ALLC: variants seen among roughly 807,000 people sequenced by gnomAD.
ALLC encodes the protein probable inactive allantoicase.
Under a neutral mutation model 45.0 loss-of-function variants are expected in ALLC, and 40 were observed. The observed-to-expected ratio is 0.89, with a 90% confidence interval of 0.69 to 1.16. The LOEUF (loss-of-function observed/expected upper bound fraction) is 1.16, where lower values mean the gene tolerates loss of function less well. Among genes scored for constraint, ALLC ranks in the 50% most tolerant of loss-of-function variants. The pLI is 0.00. For missense variants in ALLC, 488 were observed against 493.1 expected, an observed-to-expected ratio of 0.99 and a Z score of 0.10; for synonymous variants, 176 against 178.1, an observed-to-expected ratio of 0.99 and a Z score of 0.09.
intron 11 of ALLC, 120 bp downstream of exon 11, chr2:3,701,756 G>A (rs1389791203): frequency 8.2e-6 from 10 of 1,215,926 alleles, no homozygotes; most frequent in East Asian, 2.7e-5. Context: ...AAACGAATGA[G>A]GTTTAAAACC....
At chr2:3,681,560 C>A in intron 5 of ALLC, 74 bp from the exon 6 acceptor site, 1 of 1,085,288 alleles carries the variant, frequency 9.2e-7, no homozygotes, top group Non-Finnish European at 1.3e-6. Context: ...AATTACCATA[C>A]AAACCACCAA....
upstream of ALLC, among the ~76,000 whole-genome samples, chr2:3,657,755 T>C (rs890957968): frequency 2.0e-5 from 3 of 152,182 alleles, no homozygotes; most frequent in Admixed American, 1.3e-4. Flanking sequence ...TGGGCTTCTT[T>C]AAATTCCATG....
rs981198370 is a variant in ALLC, at chr2:3,681,728, A to G, written c.378+15A>G. ...CCATTGCTGAGGTACATCTCCCCCAAATGAATTGGGTCTTGTCACCAATTA... is the reference window on the plus strand; with the variant it reads ...CCATTGCTGAGGTACATCTCCCCCAGATGAATTGGGTCTTGTCACCAATTA... On this transcript the variant is annotated intron_variant, in intron 6 of 11. Transcript: ENST00000252505. The G allele has an allele frequency of 1.5e-5, 24 of 1,596,010 alleles. No individual in the cohort carries two copies. The highest frequency in any genetic ancestry group is 2.1e-5 in the Non-Finnish European group (24 of 1,168,538).
intron 10 of ALLC, among the ~76,000 whole-genome samples, chr2:3,698,860 G>A (rs1233573694): frequency 6.6e-6 from 1 of 152,112 alleles, no homozygotes; most frequent in African/African-American, 2.4e-5. Flanking sequence ...GTGCTGCACT[G>A]GGTGAGTGGT....
At chr2:3,647,107 A>G in the ALLC span, among the ~76,000 whole-genome samples, 1 of 152,098 alleles carries the variant, frequency 6.6e-6, no homozygotes, top group East Asian at 1.9e-4. Flanking sequence ...TGGTTCGCTG[A>G]GGTGGCCTTG....
intron 4 of ALLC, among the ~76,000 whole-genome samples, chr2:3,678,782 C>T (rs111778437): frequency 6.6e-6 from 1 of 152,132 alleles, no homozygotes; most frequent in African/African-American, 2.4e-5. Flanking sequence ...AGCACGTTGT[C>T]GGGAAAATGA....
Position 3,682,966 on chromosome 2 carries a change from T to G in ALLC, c.403T>G (p.Leu135Val). The G allele has an allele frequency of 6.2e-7, 1 of 1,613,678 alleles. No homozygotes were observed. The highest frequency in any genetic ancestry group is 2.2e-5 in the East Asian group (1 of 44,878). The change falls in exon 7 of 12, where the codon TTG (leucine) becomes GTG (valine). Residue 135 changes from leucine to valine, a missense_variant. Physicochemically the swap from Leu to Val is conservative, Grantham distance 32 (BLOSUM62 1). Transcript: ENST00000252505. Reference sequence around the variant, plus strand: ...GCTAAAATCCGACGACTGGAGTTACTTGGTTCCCATGACTGAGCTTAAGCC... The same window carrying G: ...GCTAAAATCCGACGACTGGAGTTACGTGGTTCCCATGACTGAGCTTAAGCC... ...AELKSDDWSY[L>V]VPMTELKPGN...
intron 2 of ALLC, among the ~76,000 whole-genome samples, chr2:3,673,677 A>C (rs1666949655): frequency 1.3e-5 from 2 of 152,218 alleles, no homozygotes; most frequent in Non-Finnish European, 2.9e-5. Flanking sequence ...AGGGTGACCT[A>C]TGGCGGCCCT....
intron 10 of ALLC, among the ~76,000 whole-genome samples, chr2:3,699,420 T>C (rs1461711178): frequency 6.6e-6 from 1 of 152,188 alleles, no homozygotes; most frequent in Non-Finnish European, 1.5e-5. Context: ...GACATTTAGG[T>C]TGATTCCACG....
chr2:3,666,249 C>T lies in ALLC; in HGVS notation c.-62-4847C>T, dbSNP rs998507925. Among the ~76,000 whole-genome samples the T allele has an allele frequency of 4.6e-5, 7 of 152,296 alleles. No homozygotes were observed. The South Asian group carries it at 8.3e-4, about 18-fold the overall frequency. On this transcript the variant is annotated intron_variant, in intron 1 of 11. Transcript: ENST00000252505. ...GGCAAAATGCCTGAGCGCTCTGTAC[C>T]GGGGCATAGTGAGCTTGCTGGAGCT...
At chr2:3,651,893 T>C in the ALLC span, among the ~76,000 whole-genome samples, 22 of 152,112 alleles carry the variant, frequency 1.4e-4, no homozygotes, top group African/African-American at 5.1e-4. Context: ...CAACTCAAGG[T>C]CACTGCATGG....
chr2:3,648,785 C>T, the ALLC span, among the ~76,000 whole-genome samples: 2 of 152,150 alleles, frequency 1.3e-5, no homozygotes, highest in Non-Finnish European at 2.9e-5. Flanking sequence ...CATCACACGA[C>T]CCGCTGTGTC....
At chr2:3,652,576 T>A in the ALLC span, among the ~76,000 whole-genome samples, 1 of 147,638 alleles carries the variant, frequency 6.8e-6, no homozygotes, top group African/African-American at 2.6e-5. Context: ...CCCAAAACTT[T>A]GTGATTTTTT....
upstream of ALLC, among the ~76,000 whole-genome samples, chr2:3,657,154 G>A (rs1480720958): frequency 6.6e-6 from 1 of 152,088 alleles, no homozygotes; most frequent in Non-Finnish European, 1.5e-5. Flanking sequence ...TGGACTCAAA[G>A]GCCGGGCGAG....
chr2:3,647,622 GTCGC>G, the ALLC span, among the ~76,000 whole-genome samples: 4 of 150,824 alleles, frequency 2.7e-5, no homozygotes, highest in East Asian at 1.9e-4. Context: ...GCCCCTGGGG[GTCGC>G]TCACCCGTCC....
At chr2:3,695,049 T>G (rs971618259) in intron 7 of ALLC, 1 of 152,280 alleles carries the variant, frequency 6.6e-6, no homozygotes, top group Admixed American at 6.5e-5. Context: ...CAGGGTGGTG[T>G]TGTAAAAATA....
intron 1 of ALLC, among the ~76,000 whole-genome samples, chr2:3,670,526 C>T (rs915289478): frequency 3.3e-5 from 5 of 152,154 alleles, no homozygotes; most frequent in Non-Finnish European, 7.3e-5. Flanking sequence ...TGTTAGGACC[C>T]GCCATGGCCG....
At chr2:3,647,506 C>T in the ALLC span, among the ~76,000 whole-genome samples, 1,087 of 143,982 alleles carry the variant, frequency 7.5e-3, 21 homozygotes, top group African/African-American at 0.028. Flanking sequence ...CATCCTCTCC[C>T]GATGCCGCTG....
At chr2:3,658,011 G>A (rs1666479739), upstream of ALLC, among the ~76,000 whole-genome samples, 1 of 152,272 alleles carries the variant, frequency 6.6e-6, no homozygotes, top group Non-Finnish European at 1.5e-5. Flanking sequence ...TAGGGACAGG[G>A]AAGGGCCCTG....
Sources: allele counts gnomAD v4.1 joint callset (sites outside exome capture counted in the v4.1 genomes callset), GRCh38; gene constraint gnomAD v4.1.1; transcripts MANE v1.5; gene names NCBI Gene and HGNC (gene_info 2026-07-23, HGNC 2026-07-21).